The following DMD variants were observed in gnomAD, a reference collection of about 807,000 sequenced individuals.
The protein encoded by DMD is mutant dystrophin.
DMD carries 63 observed loss-of-function variants against 330.1 expected under a neutral mutation model. The ratio of observed to expected loss-of-function variants is 0.19; its 90% confidence interval spans 0.16 to 0.24. The LOEUF (loss-of-function observed/expected upper bound fraction) is 0.24. Ranked by LOEUF, DMD falls within the 10% of genes least tolerant of loss-of-function variation. The probability of loss-of-function intolerance (pLI) is 1.00; values close to 1 mark genes in which losing one functional copy is unlikely to be tolerated. For missense variants in DMD, 3,344 were observed against 2,684.1 expected, an observed-to-expected ratio of 1.25 and a Z score of -5.43; for synonymous variants, 1,223 against 959.8, an observed-to-expected ratio of 1.27 and a Z score of -5.07.
chrX:31,195,465 A>G (rs973981504), intron 67 of DMD, among the ~76,000 whole-genome samples: 6 of 112,071 alleles, frequency 5.4e-5, no homozygotes, highest in Admixed American at 9.5e-5. Flanking sequence ...AAGCACATAT[A>G]TCTGTCTATA....
intron 55 of DMD, among the ~76,000 whole-genome samples, chrX:31,524,500 G>A (rs1238327526): frequency 2.7e-5 from 3 of 111,669 alleles, no homozygotes; most frequent in African/African-American, 6.5e-5. Context: ...ATACATCATC[G>A]TGCCATGGAG....
At chrX:32,909,193 G>A (rs1189065426) in intron 2 of DMD, among the ~76,000 whole-genome samples, 2 of 104,917 alleles carry the variant, frequency 1.9e-5, no homozygotes, top group African/African-American at 6.9e-5. Flanking sequence ...GTATAACTAT[G>A]GTACTAAGAA....
At chrX:32,633,573 C>T (rs1051154854) in intron 11 of DMD, among the ~76,000 whole-genome samples, 1 of 112,097 alleles carries the variant, frequency 8.9e-6, no homozygotes, top group African/African-American at 3.2e-5. Flanking sequence ...GACAGCAAAG[C>T]CCCACTTCTT....
At position 31,524,882 on chromosome X, in the gene DMD, T is replaced by C. The variant is rs191799683; in HGVS notation, c.8218-17429A>G. Among the ~76,000 whole-genome samples, 473 of 112,172 alleles carry C rather than the reference T, an allele frequency of 4.2e-3. 2 individuals are homozygous for C. The highest frequency in any genetic ancestry group is 5.7e-3 in the Non-Finnish European group (303 of 53,255). ...AAACTACAGGTTACAATTCCCTGAA[T>C]GGATGAATGCTTGCTCCTGAAAAAC... is the stretch of plus-strand genomic sequence containing the variant. On this transcript the variant is annotated intron_variant, in intron 55 of 78. Coordinates refer to ENST00000357033, the MANE Select transcript of DMD (RefSeq NM_004006.3).
At chrX:31,905,965 C>T (rs189645838) in intron 47 of DMD, among the ~76,000 whole-genome samples, 62 of 111,699 alleles carry the variant, frequency 5.6e-4, no homozygotes, top group African/African-American at 1.8e-3. Context: ...TTTTCAGATT[C>T]GAAACTCTAT....
chrX:31,329,829 G>C (rs2148347376), intron 61 of DMD, among the ~76,000 whole-genome samples: 1 of 108,287 alleles, frequency 9.2e-6, no homozygotes, highest in East Asian at 2.9e-4. Flanking sequence ...AAATTAGCTG[G>C]GCGAGGTGGC....
At chrX:32,302,929 A>C (rs2097528477) in intron 42 of DMD, among the ~76,000 whole-genome samples, 1 of 110,937 alleles carries the variant, frequency 9.0e-6, no homozygotes, top group Admixed American at 9.6e-5. Flanking sequence ...AATCAGGTTA[A>C]ATCTTTCTAA....
At chrX:32,514,443 T>A (rs955949641) in intron 18 of DMD, among the ~76,000 whole-genome samples, 4 of 112,014 alleles carry the variant, frequency 3.6e-5, no homozygotes, top group African/African-American at 1.3e-4. Context: ...GCTGGTTTTG[T>A]TAAAATATGT....
chrX:31,647,386 T>C (rs1260462505), intron 54 of DMD, among the ~76,000 whole-genome samples: 1 of 112,084 alleles, frequency 8.9e-6, no homozygotes, highest in East Asian at 2.8e-4. Context: ...AATGCCATTT[T>C]AGCATTTCTA....
chrX:32,888,659 G>A (rs764503857), intron 2 of DMD, among the ~76,000 whole-genome samples: 1 of 111,679 alleles, frequency 9.0e-6, no homozygotes, highest in African/African-American at 3.3e-5. Flanking sequence ...TCACTACTGG[G>A]TACATACCTA....
chrX:31,534,825 C>T (rs1411597839), intron 55 of DMD, among the ~76,000 whole-genome samples: 1 of 52,198 alleles, frequency 1.9e-5, no homozygotes, highest in Non-Finnish European at 3.3e-5. Flanking sequence ...AAATCACAAG[C>T]ATTCTTATAC....
At chrX:31,201,063 C>T (rs1296233376) in intron 67 of DMD, among the ~76,000 whole-genome samples, 2 of 110,877 alleles carry the variant, frequency 1.8e-5, no homozygotes, top group African/African-American at 3.3e-5. Context: ...CCGTGGCTCA[C>T]GCCTGTACTC....
chrX:31,362,011 A>T (rs1294132329), intron 60 of DMD, among the ~76,000 whole-genome samples: 4 of 111,663 alleles, frequency 3.6e-5, no homozygotes, highest in Non-Finnish European at 7.5e-5. Context: ...TCTTTTAACC[A>T]TTTCACGGTT....
chrX:32,482,714 A>G (rs1226049481), intron 21 of DMD, among the ~76,000 whole-genome samples: 2 of 111,639 alleles, frequency 1.8e-5, no homozygotes, highest in Non-Finnish European at 3.8e-5. Context: ...CAAATACTCA[A>G]TGTGTTTCTC....
At chrX:31,922,191 A>C (rs2094699274) in intron 47 of DMD, among the ~76,000 whole-genome samples, 1 of 111,298 alleles carries the variant, frequency 9.0e-6, no homozygotes, top group African/African-American at 3.3e-5. Context: ...TAAAAAACAA[A>C]GAGGACAGAG....
At chrX:31,770,933 T>C in intron 51 of DMD, among the ~76,000 whole-genome samples, 2 of 112,072 alleles carry the variant, frequency 1.8e-5, no homozygotes, top group Non-Finnish European at 3.8e-5. Context: ...GCACATTCTA[T>C]GTTGTACAAC....
intron 2 of DMD, among the ~76,000 whole-genome samples, chrX:33,009,292 A>G (rs1602624792): frequency 2.8e-5 from 1 of 35,277 alleles, no homozygotes; most frequent in Non-Finnish European, 6.8e-5. Context: ...GTATGTGTGT[A>G]TATGTGTATA....
At chrX:32,901,301 G>T (rs940526844) in intron 2 of DMD, among the ~76,000 whole-genome samples, 2 of 111,361 alleles carry the variant, frequency 1.8e-5, no homozygotes, top group African/African-American at 6.5e-5. Flanking sequence ...AAAGGGAAAA[G>T]AATATAAAAG....
chrX:32,657,078 C>T (rs1318719794), intron 9 of DMD, among the ~76,000 whole-genome samples: 1 of 108,904 alleles, frequency 9.2e-6, no homozygotes, highest in Non-Finnish European at 1.9e-5. Flanking sequence ...CCATTTATAT[C>T]TTTGGGTATA....
Sources: gnomAD v4.1 joint callset for allele counts (sites outside exome capture counted in the v4.1 genomes callset) on GRCh38, gnomAD v4.1.1 for gene constraint, MANE v1.5 for transcripts, NCBI Gene and HGNC (gene_info 2026-07-23, HGNC 2026-07-21) for gene names.